PALM2AKAP2: variants seen among roughly 807,000 people sequenced by gnomAD.
PALM2AKAP2 encodes the protein PALM2 and AKAP2 fusion, also known as PALM2-AKAP2 fusion protein.
In PALM2AKAP2, 37 loss-of-function variants were observed where a neutral mutation model predicts 71.5. That is an observed-to-expected ratio of 0.52 (90% CI 0.40 to 0.68). The LOEUF is 0.68. Ranked by LOEUF, PALM2AKAP2 falls within the 30% of genes least tolerant of loss-of-function variation. PALM2AKAP2 has a pLI of 0.00. For synonymous variants in PALM2AKAP2, 468 were observed against 478.8 expected, an observed-to-expected ratio of 0.98 and a Z score of 0.29; for missense variants, 1,224 against 1,191.8, an observed-to-expected ratio of 1.03 and a Z score of -0.40.
At chr9:109,765,435 C>T (rs999962350) in intron 1 of PALM2AKAP2, 2 of 153,420 alleles carry the variant, frequency 1.3e-5, no homozygotes, top group Non-Finnish European at 2.9e-5. Flanking sequence ...CCGTCTTCAT[C>T]ACCATCATCA....
rs1197467991 is a variant in PALM2AKAP2, at chr9:110,011,267, TTAGGTCAGATTC to T, written c.497-4685_497-4674del. ...TATATATACTTTTTTCCCCAAGTTCTTAGGTCAGATTCTTTATATAGGTTCTTCCCCTACAAC... is the reference window on the plus strand; with the variant it reads ...TATATATACTTTTTTCCCCAAGTTCTTTTATATAGGTTCTTCCCCTACAAC... On this transcript the variant is annotated intron_variant, in intron 6 of 9. Coordinates refer to the PALM2AKAP2 transcript ENST00000302798. Among the ~76,000 whole-genome samples the T allele has an allele frequency of 1.0e-3, 151 of 150,376 alleles. 1 individual carries two copies.
At chr9:110,143,411 CAAAAA>C (rs10638600) in intron 2 of PALM2AKAP2, among the ~76,000 whole-genome samples, 6 of 69,092 alleles carry the variant, frequency 8.7e-5, no homozygotes, top group African/African-American at 1.3e-4. Flanking sequence ...AGCAAAGTGC[CAAAAA>C]AAAAAAAAAA....
At chr9:109,896,804 C>G (rs943243840) in intron 3 of PALM2AKAP2, among the ~76,000 whole-genome samples, 4 of 152,176 alleles carry the variant, frequency 2.6e-5, no homozygotes, top group Admixed American at 2.0e-4. Context: ...GAGCGAGGCC[C>G]TGTCTCCAAA....
At chr9:110,127,578 G>A (rs1052127630) in intron 1 of PALM2AKAP2, 2 of 152,310 alleles carry the variant, frequency 1.3e-5, no homozygotes, top group African/African-American at 4.8e-5. Context: ...TATAGGCTCG[G>A]CTTAGAGGCC....
chr9:110,136,798 C>A, exon 2 of PALM2AKAP2: 5 of 1,614,168 alleles, frequency 3.1e-6, no homozygotes, highest in Non-Finnish European at 4.2e-6. Flanking sequence ...TCCATGAGGA[C>A]AAGAAGCCCT....
intron 3 of PALM2AKAP2, among the ~76,000 whole-genome samples, chr9:110,161,296 T>A (rs1214216338): frequency 6.6e-6 from 1 of 152,162 alleles, no homozygotes; most frequent in Non-Finnish European, 1.5e-5. Context: ...AACCAATAAA[T>A]GCTTTAAATG....
intron 6 of PALM2AKAP2, among the ~76,000 whole-genome samples, chr9:109,978,394 A>G (rs1832208644): frequency 6.6e-6 from 1 of 152,170 alleles, no homozygotes; most frequent in Non-Finnish European, 1.5e-5. Context: ...TTGAGCATCT[A>G]CTGTGTGTTA....
At chr9:110,098,425 C>G (rs944640892) in intron 1 of PALM2AKAP2, among the ~76,000 whole-genome samples, 1 of 152,110 alleles carries the variant, frequency 6.6e-6, no homozygotes, top group Non-Finnish European at 1.5e-5. Flanking sequence ...GATGGTTGCA[C>G]AAGCCTGTGA....
Position 110,060,215 on chromosome 9 carries a change from C to G in PALM2AKAP2, c.156+11360C>G, listed in dbSNP as rs376341717. 2.0e-5 allele frequency among the ~76,000 whole-genome samples: 3 copies of G among 151,978 alleles called. No individual in the cohort carries two copies. The South Asian group carries it at 6.2e-4, about 32-fold the overall frequency. On this transcript the variant is annotated intron_variant, in intron 1 of 3. Transcript: ENST00000374525. ...GCAACCTCCGCCTCCTGTGTTTAAGCGATTCTGTTGGCTTGGCCTCCCAAG... is the reference window on the plus strand; with the variant it reads ...GCAACCTCCGCCTCCTGTGTTTAAGGGATTCTGTTGGCTTGGCCTCCCAAG...
At chr9:109,879,229 T>C (rs1057191955) in intron 2 of PALM2AKAP2, among the ~76,000 whole-genome samples, 2 of 152,186 alleles carry the variant, frequency 1.3e-5, no homozygotes, top group African/African-American at 4.8e-5. Flanking sequence ...CCTGATGAGA[T>C]CAAACGAAAT....
intron 7 of PALM2AKAP2, among the ~76,000 whole-genome samples, chr9:110,027,139 G>T (rs1252360975): frequency 1.3e-5 from 2 of 152,146 alleles, no homozygotes; most frequent in African/African-American, 4.8e-5. Context: ...GATATTGCTG[G>T]TTACAAAAGT....
At chr9:109,701,856 G>T (rs1037873308) in intron 1 of PALM2AKAP2, among the ~76,000 whole-genome samples, 3 of 152,058 alleles carry the variant, frequency 2.0e-5, no homozygotes, top group Admixed American at 2.0e-4. Flanking sequence ...CTGACAAAGG[G>T]CTAATATCCA....
chr9:110,079,408 A>G (rs1834393564), intron 1 of PALM2AKAP2, among the ~76,000 whole-genome samples: 1 of 152,130 alleles, frequency 6.6e-6, no homozygotes, highest in Non-Finnish European at 1.5e-5. Context: ...AGGCAGGAGA[A>G]TCGCTTGAAC....
intron 1 of PALM2AKAP2, among the ~76,000 whole-genome samples, chr9:109,663,717 G>A (rs1262893660): frequency 2.6e-5 from 4 of 152,176 alleles, no homozygotes; most frequent in Non-Finnish European, 5.9e-5. Context: ...TTGTTGCAGA[G>A]CTGAGTTCAG....
upstream of PALM2AKAP2, among the ~76,000 whole-genome samples, chr9:110,046,220 G>A (rs945506176): frequency 6.6e-6 from 1 of 152,138 alleles, no homozygotes; most frequent in East Asian, 1.9e-4. Flanking sequence ...CTATTTCTGA[G>A]CATCTGGTAT....
intron 3 of PALM2AKAP2, among the ~76,000 whole-genome samples, chr9:109,882,525 C>T (rs1587982888): frequency 6.6e-6 from 1 of 152,122 alleles, no homozygotes; most frequent in East Asian, 1.9e-4. Context: ...TGTTACCAAC[C>T]ATTTATATCA....
intron 1 of PALM2AKAP2, among the ~76,000 whole-genome samples, chr9:109,751,706 G>A (rs762555594): frequency 5.3e-5 from 8 of 152,168 alleles, no homozygotes; most frequent in Non-Finnish European, 1.2e-4. Flanking sequence ...CATAGAGCAA[G>A]ATGAAGCTAG....
intron 1 of PALM2AKAP2, among the ~76,000 whole-genome samples, chr9:110,073,535 A>T (rs1465462593): frequency 6.6e-6 from 1 of 152,232 alleles, no homozygotes; most frequent in Non-Finnish European, 1.5e-5. Flanking sequence ...AAGAGAACAA[A>T]CAAGAAAGTT....
intron 7 of PALM2AKAP2, among the ~76,000 whole-genome samples, chr9:110,021,282 G>T (rs1215919777): frequency 6.6e-6 from 1 of 152,158 alleles, no homozygotes; most frequent in African/African-American, 2.4e-5. Context: ...GAAACACGTG[G>T]ATCCACCAGT....
Sources: allele counts gnomAD v4.1 joint callset (sites outside exome capture counted in the v4.1 genomes callset), GRCh38; gene constraint gnomAD v4.1.1; transcripts MANE v1.5; gene names NCBI Gene and HGNC (gene_info 2026-07-23, HGNC 2026-07-21).